The following FOCAD variants were observed in gnomAD, a reference collection of about 807,000 sequenced individuals.
FOCAD encodes the protein focadhesin.
Under a neutral mutation model 225.6 loss-of-function variants are expected in FOCAD, and 198 were observed. The ratio of observed to expected loss-of-function variants is 0.88; its 90% CI spans 0.78 to 0.99. The LOEUF is 0.99. FOCAD is among the 50% of genes least tolerant of loss of function. The pLI, the probability that FOCAD is intolerant of heterozygous loss-of-function variation, is 0.00. For synonymous variants in FOCAD, 897 were observed against 755.0 expected (o/e 1.19, Z -3.08); for missense variants, 2,713 against 2,123.6 (o/e 1.28, Z -5.46).
intron 15 of FOCAD, among the ~76,000 whole-genome samples, chr9:20,829,167 C>T (rs1825229246): frequency 6.6e-6 from 1 of 152,050 alleles, no homozygotes; most frequent in Admixed American, 6.6e-5. Context: ...AATGAAATTG[C>T]TGGGTCAGAT....
chr9:20,802,902 G>A (rs1822001293), intron 11 of FOCAD, among the ~76,000 whole-genome samples: 1 of 152,146 alleles, frequency 6.6e-6, no homozygotes, highest in African/African-American at 2.4e-5. Flanking sequence ...GCAGGGACTG[G>A]TACTTGGTAA....
chr9:20,917,078 G>T (rs1175161178), intron 24 of FOCAD, 141 bp downstream of exon 24: 12 of 635,414 alleles, frequency 1.9e-5, no homozygotes, highest in Middle Eastern at 4.2e-4. Context: ...AAAATTAATC[G>T]TTACCCTTCT....
At chr9:20,754,064 A>G (rs7019957) in intron 5 of FOCAD, among the ~76,000 whole-genome samples, 4,682 of 152,200 alleles carry the variant, frequency 0.031, 253 homozygotes, top group African/African-American at 0.1. Flanking sequence ...AATGCTTCCA[A>G]TTTAAAGTTG....
At chr9:20,824,494 A>G (rs1415460753) in intron 15 of FOCAD, among the ~76,000 whole-genome samples, 2 of 152,004 alleles carry the variant, frequency 1.3e-5, no homozygotes, top group Non-Finnish European at 2.9e-5. Context: ...CTGTTACTAT[A>G]AGGCTGTACA....
chr9:20,798,762 T>TAGC (rs1821432435), intron 11 of FOCAD, among the ~76,000 whole-genome samples: 1 of 151,614 alleles, frequency 6.6e-6, no homozygotes, highest in Admixed American at 6.6e-5. Context: ...ATCTTGCTAG[T>TAGC]GGTCTATCAG....
At chr9:20,979,864 C>T (rs189508226) in intron 37 of FOCAD, among the ~76,000 whole-genome samples, 178 of 152,194 alleles carry the variant, frequency 1.2e-3, no homozygotes, top group Middle Eastern at 0.01. Context: ...TACAGCCTGA[C>T]GGGACAGTTT....
intron 2 of FOCAD, among the ~76,000 whole-genome samples, chr9:20,676,365 G>A (rs903157460): frequency 1.2e-4 from 19 of 152,140 alleles, no homozygotes; most frequent in African/African-American, 4.3e-4. Flanking sequence ...TTAAAACTCA[G>A]GCCTGAGACT....
chr9:20,889,052 T>G (rs958678826), intron 21 of FOCAD, among the ~76,000 whole-genome samples: 1 of 152,218 alleles, frequency 6.6e-6, no homozygotes, highest in African/African-American at 2.4e-5. Context: ...CACAGAGTTG[T>G]GTAACCATTC....
chr9:20,693,704 C>CTATTTATT lies in FOCAD; in HGVS notation c.-33+9430_-33+9437dup, dbSNP rs34849960. The stretch of plus-strand genomic sequence containing the variant: ...TCCTTTGCAAGTACTTTTGCAATCA[C>CTATTTATT]TATTTATTTATTTATTTATTTATTT... On this transcript the variant is annotated intron_variant, in intron 1 of 43. Coordinates refer to ENST00000338382, the MANE Select transcript of FOCAD (RefSeq NM_001375567.1). 7.9e-5 allele frequency among the ~76,000 whole-genome samples: 12 copies of CTATTTATT among 151,716 alleles called. No individual in the cohort carries two copies. The South Asian group carries it at 2.3e-3, about 29-fold the overall frequency.
intron 5 of FOCAD, among the ~76,000 whole-genome samples, chr9:20,752,808 A>G (rs1312734143): frequency 6.6e-6 from 1 of 152,036 alleles, no homozygotes; most frequent in African/African-American, 2.4e-5. Flanking sequence ...AAGTTCTTCC[A>G]TTTGTTTGTA....
chr9:20,789,264 A>T, intron 10 of FOCAD, 87 bp from the exon 11 acceptor site: 1 of 1,442,212 alleles, frequency 6.9e-7, no homozygotes, highest in Non-Finnish European at 9.5e-7. Flanking sequence ...GTGATATCTT[A>T]CAATGAAATA....
chr9:20,981,775 A>G, intron 38 of FOCAD, 89 bp downstream of exon 38: 3 of 1,410,074 alleles, frequency 2.1e-6, no homozygotes, highest in Non-Finnish European at 2.9e-6. Context: ...GTATGTTTTA[A>G]GAATGTGGGT....
At chr9:20,875,944 A>G (rs1005045020) in intron 19 of FOCAD, 2 of 152,198 alleles carry the variant, frequency 1.3e-5, no homozygotes, top group African/African-American at 4.8e-5. Context: ...ATGAAGTTCA[A>G]TCAAAACAAG....
intron 15 of FOCAD, among the ~76,000 whole-genome samples, chr9:20,837,213 A>G (rs1826075676): frequency 6.6e-6 from 1 of 151,996 alleles, no homozygotes; most frequent in African/African-American, 2.4e-5. Context: ...CTCTCACTTG[A>G]ATCAAAATCA....
intron 1 of FOCAD, among the ~76,000 whole-genome samples, chr9:20,689,524 T>C (rs549805884): frequency 6.6e-6 from 1 of 152,256 alleles, no homozygotes; most frequent in Admixed American, 6.5e-5. Context: ...TGATTAGCCT[T>C]TACTGGTGGG....
chr9:20,839,642 C>T (rs1826318546), intron 15 of FOCAD, among the ~76,000 whole-genome samples: 1 of 146,966 alleles, frequency 6.8e-6, no homozygotes, highest in Non-Finnish European at 1.5e-5. Context: ...ACTATGCAAT[C>T]ACTTAATTTT....
intron 21 of FOCAD, among the ~76,000 whole-genome samples, chr9:20,903,503 T>C (rs1832716364): frequency 1.3e-5 from 2 of 151,904 alleles, no homozygotes; most frequent in South Asian, 4.1e-4. Context: ...TGTAATTCTT[T>C]TTCTCAAAAG....
chr9:20,974,667 C>G (rs1375232652), intron 35 of FOCAD, among the ~76,000 whole-genome samples: 1 of 136,290 alleles, frequency 7.3e-6, no homozygotes, highest in Non-Finnish European at 1.6e-5. Flanking sequence ...TACCCTACTT[C>G]CCCCTTCTTT....
In FOCAD at chr9:20,923,675, G is replaced by T. The variant is rs1293694486; in HGVS notation, c.2868G>T (p.Val956=). Residue 956 remains valine (V), a synonymous_variant, in exon 25 of 44, where the codon GTG becomes GTT. Transcript: ENST00000338382. ...TTTTGAACAGGGAGAGTCCGGTAGT[G>T]AAAGGCAATGCGCTGTTAGCTCTAA... ...TKAAAKESPV[V]KGNALLALSS... The T allele has an allele frequency of 6.2e-7, 1 of 1,613,836 alleles. No individual in the cohort carries two copies. Among genetic ancestry groups the T allele is most frequent in the Non-Finnish European group, 8.5e-7 (1 of 1,179,870 alleles).
Sources: allele counts gnomAD v4.1 joint callset (sites outside exome capture counted in the v4.1 genomes callset), GRCh38; gene constraint gnomAD v4.1.1; transcripts MANE v1.5; gene names NCBI Gene and HGNC (gene_info 2026-07-23, HGNC 2026-07-21).